Variants in SLC30A8 observed in about 807,000 individuals in gnomAD.
SLC30A8 encodes the protein solute carrier family 30 member 8.
Under a neutral mutation model 36.9 loss-of-function variants are expected in SLC30A8, and 27 were observed. That is an observed-to-expected ratio of 0.73 (90% CI 0.54 to 1.01). The LOEUF is 1.01. Ranked by LOEUF, SLC30A8 falls within the 50% of genes least tolerant of loss-of-function variation. The pLI is 0.00. For missense variants in SLC30A8, 439 were observed against 452.0 expected, an observed-to-expected ratio of 0.97 and a Z score of 0.26; for synonymous variants, 164 against 172.4, an observed-to-expected ratio of 0.95 and a Z score of 0.38.
intron 2 of SLC30A8, among the ~76,000 whole-genome samples, chr8:117,083,458 T>C (rs1055382421): frequency 1.3e-5 from 2 of 152,174 alleles, no homozygotes; most frequent in African/African-American, 4.8e-5. Flanking sequence ...GAGAGAACTG[T>C]GAAGAACCAT....
At chr8:117,047,123 T>G (rs570379554) in intron 2 of SLC30A8, among the ~76,000 whole-genome samples, 104 of 152,298 alleles carry the variant, frequency 6.8e-4, no homozygotes, top group African/African-American at 2.4e-3. Flanking sequence ...ACAGGCTAAA[T>G]AGCATTAGCA....
At chr8:116,990,127 T>G (rs1815580991) in intron 1 of SLC30A8, among the ~76,000 whole-genome samples, 1 of 152,222 alleles carries the variant, frequency 6.6e-6, no homozygotes, top group Admixed American at 6.5e-5. Flanking sequence ...TGTTGGATGC[T>G]GAAATAACAT....
intron 2 of SLC30A8, among the ~76,000 whole-genome samples, chr8:117,072,094 G>T (rs1047128078): frequency 3.9e-5 from 6 of 152,202 alleles, no homozygotes; most frequent in Admixed American, 2.6e-4. Flanking sequence ...GAAGAAAATG[G>T]TCTGGTGATT....
chr8:117,017,552 G>A lies in SLC30A8; in HGVS notation c.-265-21667G>A, dbSNP rs527406367. Among the ~76,000 whole-genome samples the A allele has an allele frequency of 1.2e-4, 18 of 152,324 alleles. No homozygotes were observed. In the South Asian group the frequency reaches 2.7e-3, roughly 23 times the overall value. On this transcript the variant is annotated intron_variant, in intron 1 of 10. Transcript: ENST00000427715. ...CAGCCAACACCAAAGTCAAATTGAC[G>A]TGGAGCCACAGTGAAGAGGATGTGA...
At chr8:116,960,011 C>T (rs1814363731) in intron 1 of SLC30A8, among the ~76,000 whole-genome samples, 1 of 152,238 alleles carries the variant, frequency 6.6e-6, no homozygotes, top group South Asian at 2.1e-4. Context: ...TGTCAGGCTA[C>T]TCCCTGCATT....
chr8:117,005,094 A>G (rs1816133819), intron 1 of SLC30A8, among the ~76,000 whole-genome samples: 1 of 152,132 alleles, frequency 6.6e-6, no homozygotes, highest in South Asian at 2.1e-4. Flanking sequence ...ACCACAGTTA[A>G]TTTTAGAACA....
At chr8:116,970,951 C>T (rs1025164285) in intron 1 of SLC30A8, among the ~76,000 whole-genome samples, 1 of 152,090 alleles carries the variant, frequency 6.6e-6, no homozygotes, top group Non-Finnish European at 1.5e-5. Context: ...AAAAGTTAGC[C>T]AGTTGTAGTG....
Position 117,053,524 on chromosome 8 carries a change from T to TGAGACC in SLC30A8, c.-226+14269_-226+14270insACCGAG, listed in dbSNP as rs1299646979. Among the ~76,000 whole-genome samples the TGAGACC allele has an allele frequency of 3.3e-5, 5 of 152,298 alleles. No homozygotes were observed. The East Asian group carries it at 7.7e-4, about 24-fold the overall frequency. On this transcript the variant is annotated intron_variant, in intron 2 of 10. Coordinates refer to the SLC30A8 transcript ENST00000427715. The stretch of plus-strand genomic sequence containing the variant: ...ATGGAAGAACCATTTCCTGGATGTC[T>TGAGACC]GAGCCCGAGCCCGAGCCCCAGCCCA...
At chr8:117,014,575 A>G (rs1816449216) in intron 1 of SLC30A8, among the ~76,000 whole-genome samples, 4 of 152,210 alleles carry the variant, frequency 2.6e-5, no homozygotes, top group Non-Finnish European at 5.9e-5. Context: ...AGGTAAATCA[A>G]GTGTGTGAGA....
intron 1 of SLC30A8, among the ~76,000 whole-genome samples, chr8:116,979,131 C>T (rs920559796): frequency 9.5e-5 from 14 of 146,924 alleles, no homozygotes; most frequent in South Asian, 2.1e-4. Context: ...CCCAGCTACT[C>T]GGGAGGCTGA....
intron 1 of SLC30A8, among the ~76,000 whole-genome samples, chr8:116,976,295 T>A (rs1269947763): frequency 1.3e-5 from 2 of 151,760 alleles, no homozygotes; most frequent in East Asian, 3.9e-4. Flanking sequence ...CATGACCTAT[T>A]TCATGATACC....
chr8:117,162,367 C>T (rs929435034), intron 5 of SLC30A8, among the ~76,000 whole-genome samples: 4 of 151,924 alleles, frequency 2.6e-5, no homozygotes, highest in Non-Finnish European at 2.9e-5. Context: ...GCTGCTTGGC[C>T]GAAGGGAGGT....
intron 1 of SLC30A8, among the ~76,000 whole-genome samples, chr8:117,139,775 G>A (rs1163419090): frequency 1.3e-5 from 2 of 148,562 alleles, no homozygotes; most frequent in Non-Finnish European, 1.5e-5. Flanking sequence ...GAGAGGATAA[G>A]AAAGACTGCA....
chr8:117,098,758 A>G (rs1406206871), intron 2 of SLC30A8, among the ~76,000 whole-genome samples: 1 of 152,200 alleles, frequency 6.6e-6, no homozygotes, highest in Non-Finnish European at 1.5e-5. Context: ...CTGTTCTTAG[A>G]GAAAAGGCTA....
intron 3 of SLC30A8, among the ~76,000 whole-genome samples, chr8:117,153,721 G>GGGGT (rs1211708487): frequency 5.1e-5 from 6 of 118,166 alleles, no homozygotes; most frequent in African/African-American, 2.3e-4. Flanking sequence ...GTCATGATAA[G>GGGGT]GGGTGTGTGT....
chr8:117,006,629 G>A (rs974572110), intron 1 of SLC30A8, among the ~76,000 whole-genome samples: 9 of 152,118 alleles, frequency 5.9e-5, no homozygotes, highest in Admixed American at 2.6e-4. Context: ...AAAAGTGGGG[G>A]CAGAACGGCT....
intron 1 of SLC30A8, among the ~76,000 whole-genome samples, chr8:117,005,672 C>T (rs1816150919): frequency 6.6e-6 from 1 of 152,168 alleles, no homozygotes; most frequent in African/African-American, 2.4e-5. Flanking sequence ...AGCAGCTATC[C>T]CATTTTACAT....
upstream of SLC30A8, among the ~76,000 whole-genome samples, chr8:117,131,182 A>ATGGTTTGT (rs1821123445): frequency 6.6e-6 from 1 of 151,998 alleles, no homozygotes; most frequent in South Asian, 2.1e-4. Flanking sequence ...AATATTGGAA[A>ATGGTTTGT]TGGTTTGTGT....
chr8:116,983,576 G>T (rs543463510), intron 1 of SLC30A8, among the ~76,000 whole-genome samples: 1 of 151,958 alleles, frequency 6.6e-6, no homozygotes, highest in Non-Finnish European at 1.5e-5. Context: ...TTGTCATTTG[G>T]CTTTGTAACT....
Sources: allele counts gnomAD v4.1 joint callset (sites outside exome capture counted in the v4.1 genomes callset), GRCh38; gene constraint gnomAD v4.1.1; transcripts MANE v1.5; gene names NCBI Gene and HGNC (gene_info 2026-07-23, HGNC 2026-07-21).